The following SWT1 variants were observed in gnomAD, a reference collection of about 807,000 sequenced individuals.
SWT1 encodes the protein transcriptional protein SWT1.
In SWT1, 33 loss-of-function variants were observed where a neutral mutation model predicts 107.3. The ratio of observed to expected loss-of-function variants is 0.31; its 90% confidence interval spans 0.23 to 0.41. The LOEUF (loss-of-function observed/expected upper bound fraction) is 0.41. SWT1 is among the 10% of genes least tolerant of loss of function. The pLI is 1.00. For synonymous variants in SWT1, 345 were observed against 348.3 expected (o/e 0.99, Z 0.11); for missense variants, 898 against 1,028.9 (o/e 0.87, Z 1.74).
chr1:185,182,016 G>C lies in SWT1; in HGVS notation c.1097G>C (p.Ser366Thr). ...KSVDLPGELM[S>T]MEIDLEDDVH... ...GTGGATTTACCTGGAGAGTTAATGA[G>C]TATGGAAATTGACTTAGAAGATGAT... The change falls in exon 7 of 19, where the codon AGT (serine) becomes ACT (threonine). Residue 366 changes from serine (S) to threonine (T), a missense_variant. By Grantham distance (58) the Ser-to-Thr change is moderately conservative (BLOSUM62 1). Coordinates refer to ENST00000367500, the MANE Select transcript of SWT1 (RefSeq NM_017673.7). 1 of 1,613,510 alleles carries C rather than the reference G, an allele frequency of 6.2e-7. No homozygotes were observed. The highest frequency in any genetic ancestry group is 8.5e-7 in the Non-Finnish European group (1 of 1,179,526).
chr1:185,182,087 C>A (rs752476209), intron 7 of SWT1, 30 bp downstream of exon 7: 12 of 1,579,886 alleles, frequency 7.6e-6, no homozygotes, highest in Non-Finnish European at 1.0e-5. Context: ...GTGTATGCTC[C>A]CCTATGCTTT....
At chr1:185,200,350 CT>C (rs1414555360) in intron 10 of SWT1, among the ~76,000 whole-genome samples, 1 of 152,044 alleles carries the variant, frequency 6.6e-6, no homozygotes, top group Non-Finnish European at 1.5e-5. Context: ...AATTTTCAGC[CT>C]TTTTGAGCTG....
intron 5 of SWT1, among the ~76,000 whole-genome samples, chr1:185,178,366 G>A (rs1051069558): frequency 9.2e-5 from 14 of 152,180 alleles, no homozygotes; most frequent in Admixed American, 3.9e-4. Context: ...CGTATCATGG[G>A]AAAGACTGGT....
intron 17 of SWT1, among the ~76,000 whole-genome samples, chr1:185,275,674 T>C (rs1297004391): frequency 6.6e-6 from 1 of 151,874 alleles, no homozygotes. Context: ...CATGAGCTGT[T>C]GCACCTGGCC....
intron 16 of SWT1, among the ~76,000 whole-genome samples, chr1:185,236,070 A>G (rs1048665343): frequency 2.0e-5 from 3 of 152,186 alleles, no homozygotes; most frequent in African/African-American, 7.2e-5. Context: ...ATAGAAAAAC[A>G]TTTCATGCTC....
At chr1:185,269,517 T>C (rs747948574) in intron 16 of SWT1, among the ~76,000 whole-genome samples, 4 of 152,236 alleles carry the variant, frequency 2.6e-5, no homozygotes, top group Non-Finnish European at 5.9e-5. Context: ...AATTTGACTA[T>C]GTCCCGAAAA....
chr1:185,218,239 A>C (rs1330179162), intron 14 of SWT1, among the ~76,000 whole-genome samples: 12 of 152,216 alleles, frequency 7.9e-5, no homozygotes, highest in Non-Finnish European at 4.4e-5. Flanking sequence ...GAAAATCAGG[A>C]AGAGAGGAAT....
chr1:185,202,821 AT>A, intron 11 of SWT1, 22 bp downstream of exon 11: 1 of 1,357,644 alleles, frequency 7.4e-7, no homozygotes, highest in East Asian at 2.5e-5. Flanking sequence ...ACTATAAATA[AT>A]TAGAGATATA....
chr1:185,261,103 G>A (rs1298312758), intron 16 of SWT1, among the ~76,000 whole-genome samples: 8 of 152,050 alleles, frequency 5.3e-5, no homozygotes, highest in Non-Finnish European at 1.0e-4. Flanking sequence ...TTGTGCTGCT[G>A]TCACCACTAT....
At chr1:185,246,043 C>T (rs1242487721) in intron 16 of SWT1, among the ~76,000 whole-genome samples, 3 of 152,156 alleles carry the variant, frequency 2.0e-5, no homozygotes, top group Non-Finnish European at 4.4e-5. Flanking sequence ...GCTGAGATTA[C>T]AGGTGTGAGC....
intron 18 of SWT1, among the ~76,000 whole-genome samples, chr1:185,282,445 G>T (rs550440635): frequency 6.6e-6 from 1 of 151,892 alleles, no homozygotes; most frequent in Admixed American, 6.6e-5. Flanking sequence ...GTAGCTTCTT[G>T]GGGGGCGGCA....
chr1:185,172,606 C>A (rs1376278906), intron 4 of SWT1, among the ~76,000 whole-genome samples: 6 of 151,900 alleles, frequency 3.9e-5, no homozygotes, highest in African/African-American at 1.2e-4. Context: ...AAAAAATGAC[C>A]ATTTTTAGAG....
chr1:185,181,850 C>T, intron 6 of SWT1, 96 bp from the exon 7 acceptor site: 1 of 1,348,626 alleles, frequency 7.4e-7, no homozygotes, highest in Non-Finnish European at 1.0e-6. Flanking sequence ...TTTCCATAAA[C>T]CATCTCAAGT....
rs1489006123 is a variant in SWT1, at chr1:185,284,015, G to A, written c.2574-6659G>A. 5.9e-5 allele frequency among the ~76,000 whole-genome samples: 9 copies of A among 151,936 alleles called. No homozygotes were observed. The East Asian group carries it at 9.6e-4, about 16-fold the overall frequency. ...CATATACCTAGGAGTAGAATTCCTGGGTGAGATTCTAATTCTCAGAAGCTA... is the reference window on the plus strand; with the variant it reads ...CATATACCTAGGAGTAGAATTCCTGAGTGAGATTCTAATTCTCAGAAGCTA... On this transcript the variant is annotated intron_variant, in intron 18 of 18. Transcript: ENST00000367500.
In SWT1 at chr1:185,202,751, A is replaced by G. The variant is rs745704622; in HGVS notation, c.1621A>G (p.Thr541Ala). 4.4e-5 allele frequency: 70 copies of G among 1,595,318 alleles called. No individual in the cohort carries two copies. The highest frequency in any genetic ancestry group is 1.7e-4 in the Middle Eastern group (1 of 6,044). ...AGAGTTATTACACTTATCTCTGAAC[A>G]CAGATGTGTGTCATCAGCCTTGTAT... Reference protein sequence around the residue: ...SAELLHLSLNTDVCHQPCIPK... With the variant: ...SAELLHLSLNADVCHQPCIPK... Residue 541 changes from threonine (T) to alanine (A), a missense_variant, in exon 11 of 19, where the codon ACA becomes GCA. Around this residue, in one of 6 missense-constraint regions of SWT1, gnomAD observed 382 missense variants for 460.0 expected, o/e 0.83. Transcript: ENST00000367500.
At chr1:185,233,851 C>A (rs951629578) in intron 16 of SWT1, among the ~76,000 whole-genome samples, 1 of 152,158 alleles carries the variant, frequency 6.6e-6, no homozygotes, top group Admixed American at 6.5e-5. Context: ...TCATGCCATT[C>A]TCCTGCCTCA....
intron 18 of SWT1, among the ~76,000 whole-genome samples, chr1:185,289,127 AAG>A (rs1665110006): frequency 6.6e-6 from 1 of 152,220 alleles, no homozygotes; most frequent in Admixed American, 6.5e-5. Context: ...CAAGCCAAAT[AAG>A]AGAAAAATAA....
chr1:185,241,610 T>C (rs1244753533), intron 16 of SWT1, among the ~76,000 whole-genome samples: 1 of 152,168 alleles, frequency 6.6e-6, no homozygotes, highest in Non-Finnish European at 1.5e-5. Flanking sequence ...CTTAATACTT[T>C]GAATGCCTCC....
intron 12 of SWT1, among the ~76,000 whole-genome samples, chr1:185,206,028 G>A (rs1002358125): frequency 4.0e-5 from 6 of 151,544 alleles, no homozygotes; most frequent in Non-Finnish European, 7.4e-5. Context: ...GCGTGATCTC[G>A]GCTCACTGCA....
Sources: allele counts gnomAD v4.1 joint callset (sites outside exome capture counted in the v4.1 genomes callset), GRCh38; gene constraint gnomAD v4.1.1; regional missense constraint gnomAD v4.1.1; transcripts MANE v1.5; gene names NCBI Gene and HGNC (gene_info 2026-07-23, HGNC 2026-07-21).